The following PES1 variants were observed in gnomAD, a reference collection of about 807,000 sequenced individuals.
PES1 encodes the protein pescadillo homolog.
Under a neutral mutation model 77.1 loss-of-function variants are expected in PES1, and 31 were observed. That is an observed-to-expected ratio of 0.40 (90% CI 0.30 to 0.54). The LOEUF (loss-of-function observed/expected upper bound fraction) is 0.54, where lower values mean the gene tolerates loss of function less well. Among genes scored for constraint, PES1 ranks in the 20% least tolerant of loss-of-function variants. The pLI is 0.45. For missense variants in PES1, 658 were observed against 771.7 expected, an observed-to-expected ratio of 0.85 and a Z score of 1.75; for synonymous variants, 282 against 303.0, an observed-to-expected ratio of 0.93 and a Z score of 0.72.
rs368763687 is a variant in PES1, at chr22:30,581,118, G to A, written c.823-17C>T. 43 of 1,592,860 alleles carry A rather than the reference G, an allele frequency of 2.7e-5. No individual in the cohort carries two copies. In the African/African-American group the frequency reaches 5.4e-4, roughly 20 times the overall value. On this transcript the variant is annotated splice_polypyrimidine_tract_variant and intron_variant, in intron 8 of 14. Coordinates refer to ENST00000354694, the MANE Select transcript of PES1 (RefSeq NM_014303.4). ...TGCCAGTTTCTACAGGAGAGAAGGG[G>A]GCTGCTTGCAGTGGGGGACCTCATG... is the stretch of plus-strand genomic sequence containing the variant.
upstream of PES1, among the ~76,000 whole-genome samples, chr22:30,593,372 A>C (rs1326751609): frequency 6.6e-6 from 1 of 152,170 alleles, no homozygotes; most frequent in Admixed American, 6.5e-5. Context: ...CTGTAACCCC[A>C]GCTAGTTGGG....
chr22:30,589,693 A>G (rs2146478743), intron 1 of PES1, among the ~76,000 whole-genome samples: 1 of 147,988 alleles, frequency 6.8e-6, no homozygotes, highest in South Asian at 2.1e-4. Flanking sequence ...AAAAGCACAC[A>G]GCTTTTTAAG....
At chr22:30,599,891 T>C (rs1416976168) in intron 2 of PES1, among the ~76,000 whole-genome samples, 1 of 151,884 alleles carries the variant, frequency 6.6e-6, no homozygotes, top group Admixed American at 6.6e-5. Flanking sequence ...TAAGAGAAAT[T>C]CCATCTCAAA....
rs572964564 is a variant in PES1, at chr22:30,585,089, G to T, written c.369-372C>A. On this transcript the variant is annotated intron_variant, in intron 4 of 14. Transcript: ENST00000354694. ...TAGTGCACAGACACTCTACAGGGAG[G>T]TCCAAAATGGAAAATGGGAAACCGA... 5.4e-5 allele frequency: 21 copies of T among 389,904 alleles called. No homozygotes were observed. In the East Asian group the frequency reaches 9.6e-4, roughly 18 times the overall value. 24.2% of individuals were successfully genotyped at this position (389,904 alleles called of 1,614,324 possible).
upstream of PES1, chr22:30,592,161 C>T: frequency 8.8e-7 from 1 of 1,132,710 alleles, no homozygotes; most frequent in Non-Finnish European, 1.1e-6. Context: ...CTGTGAGCCT[C>T]GTTGCATGTT....
intron 2 of PES1, among the ~76,000 whole-genome samples, chr22:30,604,717 C>T (rs1328434997): frequency 3.3e-5 from 5 of 152,028 alleles, no homozygotes; most frequent in African/African-American, 1.2e-4. Context: ...TCCCTGTTAT[C>T]CCAGTCTAGT....
At chr22:30,581,697 G>T in intron 6 of PES1, 53 bp from the exon 7 acceptor site, 3 of 1,258,490 alleles carry the variant, frequency 2.4e-6, no homozygotes, top group Non-Finnish European at 3.5e-6. Context: ...TGGGGGCAAA[G>T]GAGGGACAGA....
Position 30,581,533 on chromosome 22 carries a change from G to A in PES1, c.742C>T (p.Pro248Ser), listed in dbSNP as rs770103506. The change falls in exon 7 of 15, where the codon CCG becomes TCG. Residue 248 changes from proline (P) to serine (S), a missense_variant. Coordinates refer to ENST00000354694, the MANE Select transcript of PES1 (RefSeq NM_014303.4). ...LYQLLNLHYP[P>S]KLEGQAQAEA... is the part of the protein sequence containing the mutation. ...GCACTGGGCTGGGGTCCTACCTTCG[G>A]GGGATAGTGGAGGTTGAGCAACTGG... 6.2e-7 allele frequency: 1 copy of A among 1,613,232 alleles called. No individual in the cohort carries two copies. Among genetic ancestry groups the A allele is most frequent in the South Asian group, 1.1e-5 (1 of 91,066 alleles).
At chr22:30,605,811 T>C (rs2087429914) in intron 1 of PES1, among the ~76,000 whole-genome samples, 1 of 152,248 alleles carries the variant, frequency 6.6e-6, no homozygotes, top group Non-Finnish European at 1.5e-5. Flanking sequence ...TATTTATTTA[T>C]GTCAAGGGCT....
In PES1 at chr22:30,581,538, T is replaced by G; in HGVS notation, c.737A>C (p.Tyr246Ser). 2 of 1,613,364 alleles carry G rather than the reference T, an allele frequency of 1.2e-6. No individual in the cohort carries two copies. Among genetic ancestry groups the G allele is most frequent in the Non-Finnish European group, 1.7e-6 (2 of 1,179,576 alleles). ...GGGCTGGGGTCCTACCTTCGGGGGA[T>G]AGTGGAGGTTGAGCAACTGGTAAAG... is the stretch of plus-strand genomic sequence containing the variant. The part of the protein sequence containing the change: ...FRLYQLLNLH[Y>S]PPKLEGQAQA... Residue 246 changes from tyrosine to serine, a missense_variant, in exon 7 of 15, where the codon TAT (tyrosine) becomes TCT (serine). By Grantham distance (144) the Tyr-to-Ser change is moderately radical. Transcript: ENST00000354694.
Position 30,580,419 on chromosome 22 carries a change from T to A in PES1, c.1043+152A>T, listed in dbSNP as rs996068280. 1.8e-5 allele frequency: 20 copies of A among 1,115,782 alleles called. No individual in the cohort carries two copies. The African/African-American group carries it at 2.3e-4, about 13-fold the overall frequency. 69.1% of individuals were successfully genotyped at this position (1,115,782 alleles called of 1,614,324 possible). A position where few individuals can be genotyped will look rare whatever the true frequency, so the allele number is the denominator to read the frequency against. On this transcript the variant is annotated intron_variant, in intron 10 of 14. Transcript: ENST00000354694. Reference sequence around the variant, plus strand: ...TCCGCCCTCTGCTGAGCACTTCCTATGTGCTCAGTGCGGTGCCGAGCACTT... The same window carrying A: ...TCCGCCCTCTGCTGAGCACTTCCTAAGTGCTCAGTGCGGTGCCGAGCACTT...
chr22:30,592,236 C>T (rs2087193167), upstream of PES1: 1 of 1,018,316 alleles, frequency 9.8e-7, no homozygotes, highest in Non-Finnish European at 1.2e-6. Context: ...AGGGGCGCCG[C>T]ACTCCATGGT....
At chr22:30,592,121 T>C, upstream of PES1, 1 of 1,254,910 alleles carries the variant, frequency 8.0e-7, no homozygotes, top group Non-Finnish European at 1.0e-6. Flanking sequence ...TACAGGCTTT[T>C]CTGTAATCAC....
In PES1 at chr22:30,584,764, C is replaced by T. The variant is rs779016103; in HGVS notation, c.369-47G>A. On this transcript the variant is annotated intron_variant, in intron 4 of 14. Transcript: ENST00000354694. ...ACATGGGGCCTGTTCAGCGTGGGTG[C>T]CAAGGGGGACCCTGATCTCCTTATC... The T allele has an allele frequency of 1.1e-5, 17 of 1,590,632 alleles. No homozygotes were observed. In the Admixed American group the frequency reaches 2.7e-4, roughly 25 times the overall value.
At position 30,599,130 on chromosome 22, in the gene PES1, C is replaced by G. The variant is rs994311440; in HGVS notation, c.-661+6331G>C. Among the ~76,000 whole-genome samples, 4 of 152,054 alleles carry G rather than the reference C, an allele frequency of 2.6e-5. No individual in the cohort carries two copies. In the Middle Eastern group the frequency reaches 0.01, roughly 388 times the overall value. On this transcript the variant is annotated intron_variant, in intron 2 of 16. Coordinates refer to the PES1 transcript ENST00000402281. Reference sequence around the variant, plus strand: ...GGCCAGGCTGGGCTCAAACTCCTGACAAGTGATCCACTTGCCTCAGCATCC... The same window carrying G: ...GGCCAGGCTGGGCTCAAACTCCTGAGAAGTGATCCACTTGCCTCAGCATCC...
At chr22:30,591,467 T>C (rs1042801663) in intron 1 of PES1, among the ~76,000 whole-genome samples, 7 of 152,162 alleles carry the variant, frequency 4.6e-5, no homozygotes, top group Non-Finnish European at 1.5e-5. Flanking sequence ...AACCAACTAA[T>C]GTAACGGTGC....
At position 30,577,010 on chromosome 22, in the gene PES1, G is replaced by C; in HGVS notation, c.*36C>G. 2 of 1,560,066 alleles carry C rather than the reference G, an allele frequency of 1.3e-6. No individual in the cohort carries two copies. The highest frequency in any genetic ancestry group is 2.2e-5 in the South Asian group (2 of 89,994). On this transcript the variant is annotated 3_prime_UTR_variant, in exon 15 of 15. Transcript: ENST00000354694. ...CTGCCTCTGCCACATCCAGCTGCTA[G>C]GGGCTGGCCTCAGCCCTGTGAGGGG...
intron 10 of PES1, 130 bp from the exon 11 acceptor site, chr22:30,580,308 A>C: frequency 8.3e-7 from 1 of 1,202,996 alleles, no homozygotes; most frequent in African/African-American, 1.5e-5. Context: ...CCCCCTCCTC[A>C]CCCCAGGATC....
At chr22:30,605,074 A>T (rs1041368505) in intron 2 of PES1, among the ~76,000 whole-genome samples, 1 of 151,970 alleles carries the variant, frequency 6.6e-6, no homozygotes, top group Non-Finnish European at 1.5e-5. Context: ...GCTCACTGCA[A>T]CCTCAGCCTC....
Sources: allele counts gnomAD v4.1 joint callset (sites outside exome capture counted in the v4.1 genomes callset), GRCh38; gene constraint gnomAD v4.1.1; transcripts MANE v1.5; gene names NCBI Gene and HGNC (gene_info 2026-07-23, HGNC 2026-07-21).